FBXO4: variants seen among roughly 807,000 people sequenced by gnomAD.
The protein encoded by FBXO4 is F-box only protein 4.
Under a neutral mutation model 43.7 loss-of-function variants are expected in FBXO4, and 36 were observed. The ratio of observed to expected loss-of-function variants is 0.82; its 90% CI spans 0.63 to 1.09. The LOEUF (loss-of-function observed/expected upper bound fraction) is 1.09. Ranked by LOEUF, FBXO4 falls within the 50% of genes least tolerant of loss-of-function variation. The pLI, the probability that FBXO4 is intolerant of heterozygous loss-of-function variation, is 0.00. For missense variants in FBXO4, 435 were observed against 474.1 expected, an observed-to-expected ratio of 0.92 and a Z score of 0.77; for synonymous variants, 180 against 165.6, an observed-to-expected ratio of 1.09 and a Z score of -0.67.
At chr5:42,005,284 A>G in the FBXO4 span, among the ~76,000 whole-genome samples, 3 of 152,150 alleles carry the variant, frequency 2.0e-5, no homozygotes, top group East Asian at 5.8e-4. Flanking sequence ...AGTTCAAATT[A>G]TAAACTTTAT....
At chr5:42,037,363 T>C in the FBXO4 span, among the ~76,000 whole-genome samples, 1 of 151,878 alleles carries the variant, frequency 6.6e-6, no homozygotes, top group Non-Finnish European at 1.5e-5. Context: ...AATCCTAAAA[T>C]TGGAATGCGC....
At chr5:42,001,023 T>G in the FBXO4 span, among the ~76,000 whole-genome samples, 503 of 152,336 alleles carry the variant, frequency 3.3e-3, 3 homozygotes, top group African/African-American at 0.012. Context: ...ATTTCAGCTT[T>G]GCTATTCCTA....
the FBXO4 span, among the ~76,000 whole-genome samples, chr5:42,038,039 A>T: frequency 6.6e-6 from 1 of 152,144 alleles, no homozygotes; most frequent in Non-Finnish European, 1.5e-5. Flanking sequence ...GAATTCAAAC[A>T]GTAAGGAAAT....
At chr5:41,956,155 C>G in the FBXO4 span, among the ~76,000 whole-genome samples, 1 of 152,092 alleles carries the variant, frequency 6.6e-6, no homozygotes, top group Admixed American at 6.5e-5. Flanking sequence ...AAAAACCAAT[C>G]CAGATGTAAT....
chr5:42,022,264 A>T, the FBXO4 span, among the ~76,000 whole-genome samples: 1 of 152,166 alleles, frequency 6.6e-6, no homozygotes, highest in Non-Finnish European at 1.5e-5. Context: ...AAAAAGAGAA[A>T]AGCCCTGAAG....
At chr5:41,931,525 A>C (rs113546011) in intron 3 of FBXO4, among the ~76,000 whole-genome samples, 3,486 of 152,358 alleles carry the variant, frequency 0.023, 49 homozygotes, top group Middle Eastern at 0.061. Flanking sequence ...GATACCTACT[A>C]TAAGCAAATC....
chr5:41,982,673 T>C, the FBXO4 span, among the ~76,000 whole-genome samples: 1 of 152,164 alleles, frequency 6.6e-6, no homozygotes, highest in Non-Finnish European at 1.5e-5. Context: ...TAATTCTCTT[T>C]GTGATAATTG....
At chr5:41,933,875 G>A in intron 3 of FBXO4, 71 bp from the exon 4 acceptor site, 1 of 1,283,146 alleles carries the variant, frequency 7.8e-7, no homozygotes, top group Non-Finnish European at 1.1e-6. Context: ...CTTTCACCGG[G>A]TAATTTTCAG....
At chr5:42,022,248 T>G in the FBXO4 span, among the ~76,000 whole-genome samples, 3 of 152,062 alleles carry the variant, frequency 2.0e-5, no homozygotes, top group Non-Finnish European at 4.4e-5. Context: ...GATGCAGACA[T>G]TGGAGAAAAA....
At chr5:42,025,585 C>T in the FBXO4 span, among the ~76,000 whole-genome samples, 1 of 151,914 alleles carries the variant, frequency 6.6e-6, no homozygotes, top group African/African-American at 2.4e-5. Context: ...GTTGCCTGTG[C>T]TCATGGGGTA....
the FBXO4 span, among the ~76,000 whole-genome samples, chr5:42,017,223 T>A: frequency 6.6e-6 from 1 of 151,788 alleles, no homozygotes; most frequent in Non-Finnish European, 1.5e-5. Context: ...ATGAGACAAA[T>A]CTAAAACAAA....
the FBXO4 span, among the ~76,000 whole-genome samples, chr5:42,033,229 C>T: frequency 6.6e-6 from 1 of 152,084 alleles, no homozygotes; most frequent in Non-Finnish European, 1.5e-5. Flanking sequence ...CAGCTGGCAT[C>T]CTAGCAGGTT....
At chr5:41,953,577 C>A in the FBXO4 span, among the ~76,000 whole-genome samples, 1 of 150,580 alleles carries the variant, frequency 6.6e-6, no homozygotes, top group Non-Finnish European at 1.5e-5. Flanking sequence ...GCCACACTGA[C>A]TTCCACAATG....
At chr5:41,967,399 C>A in the FBXO4 span, 1 of 524,828 alleles carries the variant, frequency 1.9e-6, no homozygotes, top group South Asian at 1.7e-5. Flanking sequence ...CTCCCTTGGT[C>A]ATATTTGCTG....
chr5:42,035,677 A>G, the FBXO4 span, among the ~76,000 whole-genome samples: 1 of 152,066 alleles, frequency 6.6e-6, no homozygotes, highest in Non-Finnish European at 1.5e-5. Flanking sequence ...ACAAATAAAA[A>G]TCGTGTTCCA....
intron 1 of FBXO4, among the ~76,000 whole-genome samples, chr5:41,925,805 C>T (rs1275826706): frequency 1.3e-5 from 2 of 152,160 alleles, no homozygotes; most frequent in African/African-American, 4.8e-5. Flanking sequence ...ACTAGGACAC[C>T]CTGAATGTCC....
At chr5:41,957,992 A>G in the FBXO4 span, among the ~76,000 whole-genome samples, 3 of 152,240 alleles carry the variant, frequency 2.0e-5, no homozygotes, top group African/African-American at 7.2e-5. Flanking sequence ...GAGTAAAATT[A>G]TATATGCTTA....
chr5:42,032,487 G>C, the FBXO4 span, among the ~76,000 whole-genome samples: 1 of 152,150 alleles, frequency 6.6e-6, no homozygotes, highest in Non-Finnish European at 1.5e-5. Flanking sequence ...TCCCAAGGCA[G>C]AGAAGCCTTA....
chr5:41,937,721 C>T (rs900048320), intron 5 of FBXO4, among the ~76,000 whole-genome samples: 1 of 152,226 alleles, frequency 6.6e-6, no homozygotes, highest in African/African-American at 2.4e-5. Context: ...GCACCAGCAT[C>T]TGGTGTCTGG....
Sources: gnomAD v4.1 joint callset for allele counts (sites outside exome capture counted in the v4.1 genomes callset) on GRCh38, gnomAD v4.1.1 for gene constraint, MANE v1.5 for transcripts, NCBI Gene and HGNC (gene_info 2026-07-23, HGNC 2026-07-21) for gene names.